COL12A1: variants seen among roughly 807,000 people sequenced by gnomAD.
COL12A1 encodes collagen type XII alpha 1 chain, also known as collagen alpha-1(XII) chain.
COL12A1 carries 114 observed loss-of-function variants against 349.7 expected under a neutral mutation model. That is an observed-to-expected ratio of 0.33 (90% CI 0.28 to 0.38). The LOEUF (loss-of-function observed/expected upper bound fraction) is 0.38. Among genes scored for constraint, COL12A1 ranks in the 10% least tolerant of loss-of-function variants. The pLI, the probability that COL12A1 is intolerant of heterozygous loss-of-function variation, is 1.00. For synonymous variants in COL12A1, 1,369 were observed against 1,329.0 expected (o/e 1.03, Z -0.66); for missense variants, 3,284 against 3,756.9 (o/e 0.87, Z 3.29).
At chr6:75,150,177 C>T (rs1452080980) in intron 21 of COL12A1, among the ~76,000 whole-genome samples, 1 of 152,096 alleles carries the variant, frequency 6.6e-6, no homozygotes, top group Admixed American at 6.6e-5. Context: ...CCATAATCTA[C>T]ATGTACTTAA....
At position 75,146,033 on chromosome 6, in the gene COL12A1, G is replaced by C. The variant is rs564842683; in HGVS notation, c.4560+69C>G. The C allele has an allele frequency of 2.1e-6, 3 of 1,427,936 alleles. 1 individual carries two copies. In the South Asian group the frequency reaches 4.7e-5, roughly 22 times the overall value. 88.5% of individuals were successfully genotyped at this position (1,427,936 alleles called of 1,614,324 possible). On this transcript the variant is annotated intron_variant, in intron 24 of 65. Transcript: ENST00000322507. ...ATAAATGAGTTTGTAAGTAACTGCAGTATAATAGGCACTATAAAGCTATAA... is the reference window on the plus strand; with the variant it reads ...ATAAATGAGTTTGTAAGTAACTGCACTATAATAGGCACTATAAAGCTATAA...
chr6:75,202,408 C>G (rs1024340161), intron 2 of COL12A1, among the ~76,000 whole-genome samples: 1 of 152,232 alleles, frequency 6.6e-6, no homozygotes, highest in Non-Finnish European at 1.5e-5. Flanking sequence ...CCGTCGCCCC[C>G]TCTCGGGCGG....
At chr6:75,177,535 T>C (rs1562282497) in intron 12 of COL12A1, 128 bp downstream of exon 12, 1 of 1,126,504 alleles carries the variant, frequency 8.9e-7, no homozygotes. Context: ...CTAAAAGGAC[T>C]ATGGTCTAAC....
At chr6:75,115,440 T>C (rs868641762) in intron 49 of COL12A1, among the ~76,000 whole-genome samples, 17 of 152,144 alleles carry the variant, frequency 1.1e-4, no homozygotes, top group African/African-American at 4.1e-4. Context: ...TCTGCACTTA[T>C]TCCATCCAGT....
intron 13 of COL12A1, among the ~76,000 whole-genome samples, chr6:75,166,087 T>A (rs1338668595): frequency 1.3e-5 from 2 of 152,060 alleles, no homozygotes; most frequent in Non-Finnish European, 2.9e-5. Flanking sequence ...TAAAAAAAAA[T>A]TCCAAAGGAA....
chr6:75,192,129 T>A (rs1192572143), intron 4 of COL12A1, 83 bp downstream of exon 4: 1 of 1,125,228 alleles, frequency 8.9e-7, no homozygotes, highest in Non-Finnish European at 1.2e-6. Context: ...TAACTTTGTA[T>A]CATAAAAGAT....
rs1267584273 is a variant in COL12A1 at position 75,154,627 on chromosome 6, G to C, written c.3444-90C>G. 19 of 1,347,168 alleles carry C rather than the reference G, an allele frequency of 1.4e-5. No homozygotes were observed. In the East Asian group the frequency reaches 1.5e-4, roughly 10 times the overall value. The allele number at this position is 1,347,168 out of a possible 1,614,324, so 83.5% of individuals were successfully genotyped here. On this transcript the variant is annotated intron_variant, in intron 16 of 65. Transcript: ENST00000322507. ...TTGCTTTGTTAAAGACATTTTTCTT[G>C]ATTTACAAGCTTACACTATGAAGAG...
At chr6:75,185,601 A>G (rs1769570449) in intron 8 of COL12A1, among the ~76,000 whole-genome samples, 1 of 152,242 alleles carries the variant, frequency 6.6e-6, no homozygotes, top group African/African-American at 2.4e-5. Flanking sequence ...GATTCTTCAC[A>G]GAACTAGAAA....
chr6:75,175,268 G>T lies in COL12A1; in HGVS notation c.2480C>A (p.Thr827Lys), dbSNP rs149832668. ...PRDLRVSDPT[T>K]STMKLSWSGA... is the part of the protein sequence containing the mutation. ...ACTCCAAGATAATTTCATAGTAGAC[G>T]TCGTAGGGTCAGAAACTCTTAAGTC... The change falls in exon 13 of 66, where the codon ACG becomes AAG. Residue 827 changes from threonine to lysine, a missense_variant. By Grantham distance (78) the Thr-to-Lys change is moderately conservative. Around this residue, in one of 2 missense-constraint regions of COL12A1, gnomAD observed 2,601 missense variants for 2,824.8 expected, o/e 0.92. Transcript: ENST00000322507. The T allele has an allele frequency of 6.2e-7, 1 of 1,614,084 alleles. No individual in the cohort carries two copies. Among genetic ancestry groups the T allele is most frequent in the Non-Finnish European group, 8.5e-7 (1 of 1,180,008 alleles).
intron 60 of COL12A1, among the ~76,000 whole-genome samples, chr6:75,093,675 G>A (rs887348722): frequency 2.6e-5 from 4 of 152,058 alleles, no homozygotes; most frequent in Non-Finnish European, 5.9e-5. Flanking sequence ...ATTGTATTTG[G>A]AGCATTTTAC....
At chr6:75,179,376 A>G (rs550992896) in intron 11 of COL12A1, among the ~76,000 whole-genome samples, 1 of 152,274 alleles carries the variant, frequency 6.6e-6, no homozygotes, top group South Asian at 2.1e-4. Context: ...AGAAAGGGTC[A>G]GGGTCATCGA....
chr6:75,142,062 A>G lies in COL12A1; in HGVS notation c.4927T>C (p.Ser1643Pro). 1 of 1,613,594 alleles carries G rather than the reference A, an allele frequency of 6.2e-7. No homozygotes were observed. Among genetic ancestry groups the G allele is most frequent in the Non-Finnish European group, 8.5e-7 (1 of 1,179,854 alleles). Residue 1643 changes from serine (S) to proline (P), a missense_variant, in exon 27 of 66, where the codon TCT becomes CCT. By Grantham distance (74) the Ser-to-Pro change is moderately conservative (BLOSUM62 -1). This residue lies in a region of COL12A1 where 2,601 missense variants were observed against 2,824.8 expected (regional missense o/e 0.92). Coordinates refer to ENST00000322507, the MANE Select transcript of COL12A1 (RefSeq NM_004370.6). The stretch of plus-strand genomic sequence containing the variant: ...GTTTCTTGAGCAGTCACTGGAGGAG[A>G]CTCCCCCTCGTCATGTACTGCAGAA... ...SVSAVHDEGE[S>P]PPVTAQETTR...
chr6:75,118,968 A>T (rs1211550171), intron 46 of COL12A1, 75 bp downstream of exon 46: 1 of 1,571,344 alleles, frequency 6.4e-7, no homozygotes, highest in African/African-American at 1.4e-5. Context: ...CAGCAAATTT[A>T]GTCTTTTGCA....
At chr6:75,106,530 T>C (rs746705515) in intron 52 of COL12A1, 34 bp from the exon 53 acceptor site, 27 of 1,596,956 alleles carry the variant, frequency 1.7e-5, no homozygotes, top group Non-Finnish European at 2.3e-5. Context: ...CAGCTAAAGA[T>C]GCATGAAAAA....
intron 64 of COL12A1, among the ~76,000 whole-genome samples, chr6:75,088,568 A>G (rs1474749525): frequency 1.3e-5 from 2 of 152,148 alleles, no homozygotes; most frequent in Non-Finnish European, 2.9e-5. Flanking sequence ...AATTCATTTC[A>G]TCATATATTA....
rs1026323843 is a variant in COL12A1, at chr6:75,090,978, G to T, written c.8752+345C>A. Among the ~76,000 whole-genome samples the T allele has an allele frequency of 6.6e-6, 1 of 152,156 alleles. No individual in the cohort carries two copies. The highest frequency in any genetic ancestry group is 2.4e-5 in the African/African-American group (1 of 41,420). On this transcript the variant is annotated intron_variant, in intron 62 of 65. Transcript: ENST00000322507. This position sits in a 1 kb window ranked among gnomAD's most constrained non-coding sequence, Gnocchi z 4.1. The stretch of plus-strand genomic sequence containing the variant: ...GCCTGTGAAAAACAGGCAAGAGAGA[G>T]TTTCCTACCAAAATCAACTTTCACT...
Position 75,113,252 on chromosome 6 carries a change from T to C in COL12A1, c.7902A>G (p.Thr2634=), listed in dbSNP as rs1412598473. ...ATGTCTTTACTTCTTCTGTGTCAAATGTAACAGTTTGCACCTCGCCTCTTG... is the reference window on the plus strand; with the variant it reads ...ATGTCTTTACTTCTTCTGTGTCAAACGTAACAGTTTGCACCTCGCCTCTTG... The part of the protein sequence containing the change: ...KDTRGEVQTV[T]FDTEEVKTLF... Residue 2634 remains threonine, a synonymous_variant, in exon 51 of 66, where the codon ACA becomes ACG. Coordinates refer to ENST00000322507, the MANE Select transcript of COL12A1 (RefSeq NM_004370.6). The C allele has an allele frequency of 6.4e-7, 1 of 1,566,346 alleles. No homozygotes were observed. The highest frequency in any genetic ancestry group is 1.4e-5 in the African/African-American group (1 of 72,602).
At chr6:75,123,535 G>A (rs578093642) in intron 42 of COL12A1, 131 bp from the exon 43 acceptor site, 27 of 743,546 alleles carry the variant, frequency 3.6e-5, no homozygotes, top group African/African-American at 1.4e-4. Flanking sequence ...CATTGTCATC[G>A]GTACTGACAT....
intron 3 of COL12A1, 53 bp downstream of exon 3, chr6:75,194,778 T>C: frequency 2.6e-6 from 3 of 1,135,156 alleles, no homozygotes; most frequent in Non-Finnish European, 3.9e-6. Flanking sequence ...AGGTGGAGAT[T>C]GAGTTATATC....
Sources: allele counts gnomAD v4.1 joint callset (sites outside exome capture counted in the v4.1 genomes callset), GRCh38; gene constraint gnomAD v4.1.1; regional missense constraint gnomAD v4.1.1; non-coding constraint Gnocchi (gnomAD v3.1); transcripts MANE v1.5; gene names NCBI Gene and HGNC (gene_info 2026-07-23, HGNC 2026-07-21).